SLCO2A1: variants seen among roughly 807,000 people sequenced by gnomAD.
The protein encoded by SLCO2A1 is solute carrier organic anion transporter family member 2A1.
Under a neutral mutation model 71.7 loss-of-function variants are expected in SLCO2A1, and 60 were observed. The observed-to-expected ratio is 0.84, with a 90% CI of 0.68 to 1.04. The LOEUF (loss-of-function observed/expected upper bound fraction) is 1.04. Ranked by LOEUF, SLCO2A1 falls within the 50% of genes least tolerant of loss-of-function variation. The probability of loss-of-function intolerance (pLI) is 0.00; values close to 1 mark genes in which losing one functional copy is unlikely to be tolerated. For missense variants in SLCO2A1, 745 were observed against 813.4 expected, an observed-to-expected ratio of 0.92 and a Z score of 1.02; for synonymous variants, 308 against 326.7, an observed-to-expected ratio of 0.94 and a Z score of 0.62.
chr3:133,962,702 G>A (rs1179132767), intron 3 of SLCO2A1, among the ~76,000 whole-genome samples: 1 of 152,172 alleles, frequency 6.6e-6, no homozygotes, highest in Non-Finnish European at 1.5e-5. Flanking sequence ...TCATTGCTTC[G>A]CAAGCACTCT....
chr3:133,939,749 T>C (rs567756899), intron 11 of SLCO2A1, among the ~76,000 whole-genome samples: 152 of 152,194 alleles, frequency 1.0e-3, no homozygotes, highest in Non-Finnish European at 1.8e-3. Context: ...AGATTCTCAA[T>C]GAAACGGGAC....
intron 10 of SLCO2A1, among the ~76,000 whole-genome samples, chr3:133,944,768 G>T (rs1389019502): frequency 6.6e-6 from 1 of 152,242 alleles, no homozygotes; most frequent in African/African-American, 2.4e-5. Flanking sequence ...AGATGCCCAT[G>T]AGGATCTCTC....
At chr3:133,974,090 A>C (rs1934396508) in intron 2 of SLCO2A1, among the ~76,000 whole-genome samples, 1 of 152,206 alleles carries the variant, frequency 6.6e-6, no homozygotes, top group South Asian at 2.1e-4. Context: ...GTATCTGGAG[A>C]TTATGAAACA....
At position 133,934,543 on chromosome 3, in the gene SLCO2A1, C is replaced by A. The variant is rs1313144449; in HGVS notation, c.*170G>T. 10 of 554,064 alleles carry A rather than the reference C, an allele frequency of 1.8e-5. No individual in the cohort carries two copies. The Admixed American group carries it at 3.0e-4, about 17-fold the overall frequency. 34.3% of individuals were successfully genotyped at this position (554,064 alleles called of 1,614,324 possible). A position where few individuals can be genotyped will look rare whatever the true frequency, so the allele number is the denominator to read the frequency against. ...CCGGGTACACAGTGGCCCTTAGGAA[C>A]TGTGGGGAGGACTCTGGGAGGAAGA... On this transcript the variant is annotated 3_prime_UTR_variant, in exon 14 of 14. Coordinates refer to ENST00000310926, the MANE Select transcript of SLCO2A1 (RefSeq NM_005630.3).
chr3:133,959,606 C>A (rs966564864), intron 3 of SLCO2A1, among the ~76,000 whole-genome samples: 1 of 152,148 alleles, frequency 6.6e-6, no homozygotes, highest in African/African-American at 2.4e-5. Flanking sequence ...GGGCAGATTG[C>A]TTAAGCCCAG....
intron 1 of SLCO2A1, among the ~76,000 whole-genome samples, chr3:133,992,539 G>A (rs1934876901): frequency 6.6e-6 from 1 of 152,226 alleles, no homozygotes; most frequent in African/African-American, 2.4e-5. Context: ...CCCAAAGTGA[G>A]AACTTACATT....
chr3:133,953,570 T>C lies in SLCO2A1; in HGVS notation c.724+93A>G, dbSNP rs543178940. The C allele has an allele frequency of 7.1e-6, 7 of 979,880 alleles. No homozygotes were observed. The East Asian group carries it at 1.2e-4, about 17-fold the overall frequency. 60.7% of individuals were successfully genotyped at this position (979,880 alleles called of 1,614,324 possible). On this transcript the variant is annotated intron_variant, in intron 5 of 13. Coordinates refer to ENST00000310926, the MANE Select transcript of SLCO2A1 (RefSeq NM_005630.3). ...GGAGGTGGCAGAGCGCATCTGGAGC[T>C]GAAGCTTCATTCTCTGTTCTGATTG...
intron 3 of SLCO2A1, among the ~76,000 whole-genome samples, chr3:133,958,106 T>A (rs55977862): frequency 0.025 from 3,779 of 152,176 alleles, 162 homozygotes; most frequent in African/African-American, 0.084. Context: ...CACTCAGGAA[T>A]CTATCAAATG....
At chr3:133,953,975 C>T (rs1453410696) in intron 4 of SLCO2A1, among the ~76,000 whole-genome samples, 1 of 152,012 alleles carries the variant, frequency 6.6e-6, no homozygotes, top group Non-Finnish European at 1.5e-5. Context: ...AGCCAACTTC[C>T]AAAGAGACCT....
intron 13 of SLCO2A1, 129 bp from the exon 14 acceptor site, chr3:133,934,959 G>T (rs1933232982): frequency 2.9e-6 from 2 of 678,866 alleles, no homozygotes; most frequent in Admixed American, 5.2e-5. Context: ...CCATCCAGGT[G>T]AGGATCACTT....
intron 6 of SLCO2A1, chr3:133,950,930 T>G: frequency 2.3e-6 from 1 of 428,748 alleles, no homozygotes; most frequent in Non-Finnish European, 4.3e-6. Context: ...TTTAGCTCAA[T>G]TTAGATAAGC....
Position 133,973,540 on chromosome 3 carries a change from T to C in SLCO2A1, c.397+123A>G, listed in dbSNP as rs1576441577. On this transcript the variant is annotated intron_variant, in intron 3 of 13. Transcript: ENST00000310926. ...CTCCATAGCTCTACATACTTCAGTA[T>C]AGTCTGAGCTTCATATGCCCTCTTC... is the stretch of plus-strand genomic sequence containing the variant. The C allele has an allele frequency of 5.8e-6, 6 of 1,029,500 alleles. No individual in the cohort carries two copies. The East Asian group carries it at 7.7e-5, about 13-fold the overall frequency. 63.8% of individuals were successfully genotyped at this position (1,029,500 alleles called of 1,614,324 possible). A position where few individuals can be genotyped will look rare whatever the true frequency, so the allele number is the denominator to read the frequency against.
At chr3:133,967,404 C>T (rs1934206966) in intron 3 of SLCO2A1, among the ~76,000 whole-genome samples, 1 of 152,208 alleles carries the variant, frequency 6.6e-6, no homozygotes, top group Non-Finnish European at 1.5e-5. Context: ...CACCATGGAG[C>T]GCAGAGCTCT....
intron 13 of SLCO2A1, 122 bp downstream of exon 13, chr3:133,935,652 G>T (rs1933250016): frequency 2.6e-6 from 3 of 1,175,648 alleles, no homozygotes; most frequent in Admixed American, 5.2e-5. Flanking sequence ...CCGCAGAGGT[G>T]GCCCTTCATG....
At chr3:134,004,732 A>T (rs1194811455) in intron 1 of SLCO2A1, among the ~76,000 whole-genome samples, 1 of 152,216 alleles carries the variant, frequency 6.6e-6, no homozygotes, top group Non-Finnish European at 1.5e-5. Context: ...GGATGGAGGA[A>T]GGGGCCACAA....
At chr3:133,949,467 G>A (rs1371498972) in intron 6 of SLCO2A1, among the ~76,000 whole-genome samples, 1 of 152,116 alleles carries the variant, frequency 6.6e-6, no homozygotes, top group Non-Finnish European at 1.5e-5. Context: ...TCAAGGCTCT[G>A]TCCTAAACCT....
chr3:133,980,425 G>A lies in SLCO2A1; in HGVS notation c.97-807C>T, dbSNP rs116600058. ...ACAGATAACACATCAGGGAGGGTAG[G>A]AGAAGGGTTTCATGATGTCCCTAGT... On this transcript the variant is annotated intron_variant, in intron 1 of 13. Transcript: ENST00000310926. 6.1e-3 allele frequency among the ~76,000 whole-genome samples: 929 copies of A among 152,336 alleles called. 8 individuals carry two copies. Among genetic ancestry groups the A allele is most frequent in the African/African-American group, 0.021 (877 of 41,582 alleles).
chr3:133,990,223 T>C (rs767106015), intron 1 of SLCO2A1, among the ~76,000 whole-genome samples: 9 of 152,264 alleles, frequency 5.9e-5, no homozygotes, highest in Non-Finnish European at 7.3e-5. Context: ...CCAACCACTG[T>C]CCACCCTGCT....
At chr3:134,003,113 G>A (rs1057040765) in intron 1 of SLCO2A1, among the ~76,000 whole-genome samples, 2 of 152,078 alleles carry the variant, frequency 1.3e-5, no homozygotes, top group African/African-American at 4.8e-5. Flanking sequence ...GCAAGGGAAT[G>A]TGGTTTCATC....
Sources: allele counts gnomAD v4.1 joint callset (sites outside exome capture counted in the v4.1 genomes callset), GRCh38; gene constraint gnomAD v4.1.1; transcripts MANE v1.5; gene names NCBI Gene and HGNC (gene_info 2026-07-23, HGNC 2026-07-21).